Variants in RPS6KA2 observed in about 807,000 individuals in gnomAD.
RPS6KA2 encodes the protein ribosomal protein S6 kinase A2.
RPS6KA2 carries 42 observed loss-of-function variants against 91.8 expected under a neutral mutation model. The ratio of observed to expected loss-of-function variants is 0.46; its 90% CI spans 0.36 to 0.59. The LOEUF (loss-of-function observed/expected upper bound fraction) is 0.59, where lower values mean the gene tolerates loss of function less well. Among genes scored for constraint, RPS6KA2 ranks in the 20% least tolerant of loss-of-function variants. The pLI, the probability that RPS6KA2 is intolerant of heterozygous loss-of-function variation, is 0.00. For synonymous variants in RPS6KA2, 414 were observed against 393.6 expected (o/e 1.05, Z -0.61); for missense variants, 798 against 978.5 (o/e 0.82, Z 2.46).
intron 1 of RPS6KA2, among the ~76,000 whole-genome samples, chr6:166,597,359 A>C (rs1239441181): frequency 6.6e-6 from 1 of 152,220 alleles, no homozygotes; most frequent in Non-Finnish European, 1.5e-5. Flanking sequence ...GGGAGAAAAA[A>C]AGGACAAGAG....
At chr6:166,477,988 C>T (rs1341073118) in intron 10 of RPS6KA2, among the ~76,000 whole-genome samples, 1 of 152,226 alleles carries the variant, frequency 6.6e-6, no homozygotes, top group Non-Finnish European at 1.5e-5. Flanking sequence ...ATTGTTGGCT[C>T]TCATGTACGT....
chr6:166,461,854 C>T (rs1360511393), intron 11 of RPS6KA2, among the ~76,000 whole-genome samples: 1 of 147,920 alleles, frequency 6.8e-6, no homozygotes, highest in African/African-American at 2.7e-5. Context: ...ATCTTGCCCA[C>T]CCCTGCCCCT....
intron 2 of RPS6KA2, among the ~76,000 whole-genome samples, chr6:166,827,979 C>T (rs1249135267): frequency 6.6e-6 from 1 of 152,204 alleles, no homozygotes; most frequent in Admixed American, 6.5e-5. Flanking sequence ...TGTAAACATA[C>T]ATCTGTAAAT....
rs1274439447 is a variant in RPS6KA2 at position 166,412,496 on chromosome 6, C to T, written c.*266G>A. On this transcript the variant is annotated 3_prime_UTR_variant, in exon 21 of 21. Transcript: ENST00000265678. The surrounding 1 kb of genome is among the most constrained non-coding windows in gnomAD (Gnocchi z 4.3). ...GGGCTCTGAAAGAAGCCCCCGGCCT[C>T]GCACGGGCACGCGAGGTGAAGGGGC... The T allele has an allele frequency of 2.3e-5, 7 of 299,528 alleles. No individual in the cohort carries two copies. Among genetic ancestry groups the T allele is most frequent in the East Asian group, 6.0e-5 (1 of 16,804 alleles). 18.6% of individuals were successfully genotyped at this position (299,528 alleles called of 1,614,324 possible).
rs1454723277 is a variant in RPS6KA2, at chr6:166,770,230, CA to C, written c.123+87969del. 6.6e-6 allele frequency among the ~76,000 whole-genome samples: 1 copy of C among 152,204 alleles called. No homozygotes were observed. The highest frequency in any genetic ancestry group is 1.5e-5 in the Non-Finnish European group (1 of 68,022). ...GTGTTGCAGCCCAAAGCATTGAAAA[CA>C]GCTATTAAACTATCTTTAAAAATGT... On this transcript the variant is annotated intron_variant, in intron 2 of 21. Transcript: ENST00000503859. This position sits in a 1 kb window ranked among gnomAD's most constrained non-coding sequence, Gnocchi z 5.1.
At chr6:166,558,992 G>T (rs967422686) in intron 1 of RPS6KA2, among the ~76,000 whole-genome samples, 1 of 152,180 alleles carries the variant, frequency 6.6e-6, no homozygotes, top group Non-Finnish European at 1.5e-5. Context: ...CTTTTGAGTG[G>T]GTTGAGCTAG....
At chr6:166,681,031 C>G (rs574445168) in intron 2 of RPS6KA2, among the ~76,000 whole-genome samples, 1 of 152,210 alleles carries the variant, frequency 6.6e-6, no homozygotes, top group African/African-American at 2.4e-5. Flanking sequence ...TCTCCCATAT[C>G]TTCTCACCCC....
At chr6:166,541,264 G>A (rs1377791896) in intron 1 of RPS6KA2, among the ~76,000 whole-genome samples, 3 of 152,252 alleles carry the variant, frequency 2.0e-5, no homozygotes, top group African/African-American at 4.8e-5. Context: ...CCAGAGGTGT[G>A]GGGCAGGCGA....
intron 2 of RPS6KA2, among the ~76,000 whole-genome samples, chr6:166,642,007 T>C (rs1261290724): frequency 6.6e-6 from 1 of 151,820 alleles, no homozygotes; most frequent in Non-Finnish European, 1.5e-5. Flanking sequence ...GCAGAATTTT[T>C]CAGAGTAGAT....
At position 166,849,905 on chromosome 6, in the gene RPS6KA2, C is replaced by T. The variant is rs917359918; in HGVS notation, c.123+8295G>A. ...GGTTCAGGGACCAGGGGCACTCATG[C>T]CTGGCTCCGCTGTGCCCACGGGGCC... On this transcript the variant is annotated intron_variant, in intron 2 of 21. Transcript: ENST00000503859. This position sits in a 1 kb window ranked among gnomAD's most constrained non-coding sequence, Gnocchi z 4.9. Among the ~76,000 whole-genome samples, 4 of 152,226 alleles carry T rather than the reference C, an allele frequency of 2.6e-5. No individual in the cohort carries two copies. The highest frequency in any genetic ancestry group is 6.5e-5 in the Admixed American group (1 of 15,290).
At chr6:166,431,086 C>T (rs750201349) in intron 15 of RPS6KA2, among the ~76,000 whole-genome samples, 3 of 152,108 alleles carry the variant, frequency 2.0e-5, no homozygotes, top group African/African-American at 4.8e-5. Flanking sequence ...CGTCACCATG[C>T]CCAGCTAATT....
intron 1 of RPS6KA2, among the ~76,000 whole-genome samples, chr6:166,548,901 A>G (rs1783910554): frequency 6.6e-6 from 1 of 152,240 alleles, no homozygotes. Flanking sequence ...AAGACAAGCT[A>G]TAGAGTGGGA....
intron 2 of RPS6KA2, among the ~76,000 whole-genome samples, chr6:166,822,067 C>T (rs1779918854): frequency 6.6e-6 from 1 of 152,224 alleles, no homozygotes; most frequent in African/African-American, 2.4e-5. Context: ...ACCACCATCC[C>T]TCCTGGAGCT....
chr6:166,559,080 T>A (rs555044481), intron 1 of RPS6KA2, among the ~76,000 whole-genome samples: 1 of 152,320 alleles, frequency 6.6e-6, no homozygotes, highest in Admixed American at 6.5e-5. Context: ...CTCCATCTCT[T>A]CATGAGGATT....
chr6:166,564,673 A>G (rs1394292497), intron 1 of RPS6KA2, among the ~76,000 whole-genome samples: 1 of 152,178 alleles, frequency 6.6e-6, no homozygotes, highest in Admixed American at 6.5e-5. Context: ...AGGAGCTCTC[A>G]TTCAGACGCT....
At position 166,531,423 on chromosome 6, in the gene RPS6KA2, C is replaced by G. The variant is rs183465464; in HGVS notation, c.217-110G>C. On this transcript the variant is annotated intron_variant, in intron 2 of 20. Coordinates refer to ENST00000265678, the MANE Select transcript of RPS6KA2 (RefSeq NM_021135.6). ...GAAGTTTAGAGCATTTTCAATAAAA[C>G]AAGTACACTGGTGAGAATTTAAAAT... The G allele has an allele frequency of 8.6e-5, 71 of 823,798 alleles. No individual in the cohort carries two copies. In the Admixed American group the frequency reaches 8.7e-4, roughly 10 times the overall value. The allele number at this position is 823,798 out of a possible 1,614,324, so 51.0% of individuals were successfully genotyped here.
chr6:166,488,126 C>G (rs3799671), intron 10 of RPS6KA2, among the ~76,000 whole-genome samples: 37,426 of 151,898 alleles, frequency 0.25, 5,259 homozygotes, highest in East Asian at 0.51. Flanking sequence ...CTTTCGTTTT[C>G]TTGTTAAAAT....
At chr6:166,815,293 C>A (rs1779734170) in intron 2 of RPS6KA2, among the ~76,000 whole-genome samples, 1 of 152,132 alleles carries the variant, frequency 6.6e-6, no homozygotes, top group South Asian at 2.1e-4. Context: ...AACAGCAAGG[C>A]CTTCGAGGGT....
At chr6:166,691,272 A>ACGGCC (rs1789199007) in intron 2 of RPS6KA2, among the ~76,000 whole-genome samples, 1 of 152,024 alleles carries the variant, frequency 6.6e-6, no homozygotes, top group Non-Finnish European at 1.5e-5. Flanking sequence ...CTCTGTTTTC[A>ACGGCC]CGGCCCGCAT....
Sources: gnomAD v4.1 joint callset for allele counts (sites outside exome capture counted in the v4.1 genomes callset) on GRCh38, gnomAD v4.1.1 for gene constraint, Gnocchi (gnomAD v3.1) non-coding constraint, MANE v1.5 for transcripts, NCBI Gene and HGNC (gene_info 2026-07-23, HGNC 2026-07-21) for gene names.